Variants in NFATC3 observed in about 807,000 individuals in gnomAD.
NFATC3 encodes the protein nuclear factor of activated T cells 3.
In NFATC3, 46 loss-of-function variants were observed where a neutral mutation model predicts 98.6. The observed-to-expected ratio is 0.47, with a 90% confidence interval of 0.37 to 0.60. The LOEUF (loss-of-function observed/expected upper bound fraction) is 0.60, where lower values mean the gene tolerates loss of function less well. Among genes scored for constraint, NFATC3 ranks in the 20% least tolerant of loss-of-function variants. NFATC3 has a pLI of 0.00. For missense variants in NFATC3, 1,256 were observed against 1,295.5 expected, an observed-to-expected ratio of 0.97 and a Z score of 0.47; for synonymous variants, 512 against 472.2, an observed-to-expected ratio of 1.08 and a Z score of -1.09.
intron 1 of NFATC3, among the ~76,000 whole-genome samples, chr16:68,095,131 AG>A (rs2034942696): frequency 1.3e-5 from 2 of 152,082 alleles, no homozygotes; most frequent in Admixed American, 1.3e-4. Context: ...GGATGCTGGG[AG>A]GGGGTCAACC....
At chr16:68,114,108 T>G (rs2036135053) in intron 1 of NFATC3, among the ~76,000 whole-genome samples, 1 of 152,144 alleles carries the variant, frequency 6.6e-6, no homozygotes. Context: ...TCCTGATCCA[T>G]GGGATGTACA....
At chr16:68,152,585 A>G (rs1196214988) in intron 3 of NFATC3, among the ~76,000 whole-genome samples, 2 of 151,976 alleles carry the variant, frequency 1.3e-5, no homozygotes, top group African/African-American at 4.8e-5. Flanking sequence ...ATCATAGCTC[A>G]CTGCAGCCTT....
chr16:68,096,762 C>G (rs2035039594), intron 1 of NFATC3, among the ~76,000 whole-genome samples: 1 of 152,180 alleles, frequency 6.6e-6, no homozygotes, highest in Non-Finnish European at 1.5e-5. Flanking sequence ...CACCCAAAGA[C>G]AGGTTAAAGA....
intron 4 of NFATC3, 36 bp from the exon 5 acceptor site, chr16:68,166,807 A>G: frequency 6.6e-7 from 1 of 1,513,270 alleles, no homozygotes; most frequent in Non-Finnish European, 9.0e-7. Context: ...CATGATTATC[A>G]ATAAACAAAT....
chr16:68,174,456 T>G lies in NFATC3; in HGVS notation c.1857T>G (p.Val619=). The change falls in exon 6 of 10, where the codon GTT becomes GTG. Residue 619 remains valine, a synonymous_variant. Coordinates refer to ENST00000346183, the MANE Select transcript of NFATC3 (RefSeq NM_173165.3). The part of the protein sequence containing the change: ...SCSVNGGHEM[V]VTGSNFLPES... ...CTGTAAATGGAGGTCATGAAATGGT[T>G]GTGACTGGATCTAATTTTCTTCCAG... 2.5e-6 allele frequency: 4 copies of G among 1,605,646 alleles called. No homozygotes were observed. Among genetic ancestry groups the G allele is most frequent in the Non-Finnish European group, 3.4e-6 (4 of 1,176,024 alleles).
At chr16:68,218,038 T>C in intron 9 of NFATC3, 1 of 1,108,282 alleles carries the variant, frequency 9.0e-7, no homozygotes, top group Non-Finnish European at 1.1e-6. Flanking sequence ...AAAAATCAAA[T>C]GAATATTTTT....
chr16:68,111,375 A>G (rs989639674), intron 1 of NFATC3, among the ~76,000 whole-genome samples: 1 of 152,134 alleles, frequency 6.6e-6, no homozygotes, highest in Non-Finnish European at 1.5e-5. Context: ...ACCATGCTGT[A>G]TGCCCTTCTT....
At chr16:68,118,907 G>T (rs1371042603) in intron 1 of NFATC3, among the ~76,000 whole-genome samples, 4 of 152,040 alleles carry the variant, frequency 2.6e-5, no homozygotes, top group African/African-American at 9.7e-5. Context: ...TCGCTCTGTT[G>T]CCCAGGCTGG....
chr16:68,223,940 A>G (rs1219200134), intron 9 of NFATC3, among the ~76,000 whole-genome samples: 3 of 150,004 alleles, frequency 2.0e-5, no homozygotes, highest in South Asian at 2.1e-4. Context: ...TTATTAATCT[A>G]TACCTTAAAA....
rs1244494585 is a variant in NFATC3 at position 68,113,344 on chromosome 16, A to G, written c.104-8643A>G. 2.6e-5 allele frequency among the ~76,000 whole-genome samples: 4 copies of G among 152,136 alleles called. No individual in the cohort carries two copies. The East Asian group carries it at 7.7e-4, about 29-fold the overall frequency. On this transcript the variant is annotated intron_variant, in intron 1 of 9. Coordinates refer to ENST00000346183, the MANE Select transcript of NFATC3 (RefSeq NM_173165.3). ...CTTTTAATAGTAAGGCCCCTCTTCC[A>G]TAGGGTAGGGCTGCTGCAGTTTACT...
At chr16:68,173,809 T>G (rs1456126223) in intron 5 of NFATC3, among the ~76,000 whole-genome samples, 1 of 152,132 alleles carries the variant, frequency 6.6e-6, no homozygotes, top group East Asian at 1.9e-4. Context: ...AGTATGAAGT[T>G]GAAGATATTA....
At position 68,126,527 on chromosome 16, in the gene NFATC3, A is replaced by G. The variant is rs772910627; in HGVS notation, c.1318A>G (p.Lys440Glu). 2.2e-5 allele frequency: 36 copies of G among 1,614,066 alleles called. No homozygotes were observed. The highest frequency in any genetic ancestry group is 3.1e-5 in the Non-Finnish European group (36 of 1,180,032). The change falls in exon 3 of 10, where the codon AAA becomes GAA. Residue 440 changes from lysine to glutamate, a missense_variant. This residue lies in a region of NFATC3 where 156 missense variants were observed against 212.4 expected (regional missense o/e 0.73). Coordinates refer to ENST00000346183, the MANE Select transcript of NFATC3 (RefSeq NM_173165.3). ...TGAACTGAAAATAGAAGTGCAACCT[A>G]AAACTCATCATCGAGCCCATTATGA... ...QCELKIEVQPKTHHRAHYETE... is the reference protein window; with the variant it reads ...QCELKIEVQPETHHRAHYETE...
Position 68,122,284 on chromosome 16 carries a change from A to C in NFATC3, c.401A>C (p.Asn134Thr). 1.3e-5 allele frequency: 21 copies of C among 1,614,150 alleles called. No homozygotes were observed. The highest frequency in any genetic ancestry group is 1.7e-5 in the Non-Finnish European group (20 of 1,180,024). Residue 134 changes from asparagine to threonine, a missense_variant, in exon 2 of 10, where the codon AAT becomes ACT. Coordinates refer to ENST00000346183, the MANE Select transcript of NFATC3 (RefSeq NM_173165.3). ...GCACATGAAGATGACCTACAGATAA[A>C]TGACCCAGAACGGGAATTTTTGGAA... ...LDAHEDDLQI[N>T]DPEREFLERP...
chr16:68,158,099 T>C (rs759609215), intron 4 of NFATC3, 31 bp downstream of exon 4: 3 of 1,419,766 alleles, frequency 2.1e-6, no homozygotes, highest in Middle Eastern at 1.8e-4. Context: ...AATGTGCAGT[T>C]CTTTTTTTCT....
chr16:68,192,454 G>C (rs2040485919), intron 9 of NFATC3, among the ~76,000 whole-genome samples: 1 of 151,508 alleles, frequency 6.6e-6, no homozygotes, highest in East Asian at 1.9e-4. Context: ...TATATAGTGA[G>C]ATCACAGTGT....
chr16:68,219,931 A>T (rs2041795034), intron 9 of NFATC3, among the ~76,000 whole-genome samples: 1 of 152,226 alleles, frequency 6.6e-6, no homozygotes, highest in Admixed American at 6.5e-5. Context: ...AGCTCTAAAT[A>T]AGAGTCCTAT....
At chr16:68,173,016 G>A (rs2039533981) in intron 5 of NFATC3, among the ~76,000 whole-genome samples, 1 of 151,982 alleles carries the variant, frequency 6.6e-6, no homozygotes, top group South Asian at 2.1e-4. Flanking sequence ...CAGCACTTTG[G>A]GAGGCCAATG....
intron 1 of NFATC3, among the ~76,000 whole-genome samples, chr16:68,110,797 A>G (rs547686948): frequency 1.8e-4 from 28 of 152,298 alleles, no homozygotes; most frequent in Middle Eastern, 3.4e-3. Context: ...ATTTAGTGCT[A>G]TAAATTTCCC....
intron 4 of NFATC3, among the ~76,000 whole-genome samples, chr16:68,163,557 C>T (rs1405934468): frequency 1.3e-5 from 2 of 151,950 alleles, no homozygotes; most frequent in African/African-American, 4.8e-5. Context: ...CCCCACCTCC[C>T]TCCTGGACGG....
Sources: gnomAD v4.1 joint callset for allele counts (sites outside exome capture counted in the v4.1 genomes callset) on GRCh38, gnomAD v4.1.1 for gene constraint, gnomAD v4.1.1 regional missense constraint, MANE v1.5 for transcripts, NCBI Gene and HGNC (gene_info 2026-07-23, HGNC 2026-07-21) for gene names.